Variants in CDCA5 observed in about 807,000 individuals in gnomAD.
The protein encoded by CDCA5 is sororin.
In CDCA5, 14 loss-of-function variants were observed where a neutral mutation model predicts 25.7. That is an observed-to-expected ratio of 0.54 (90% CI 0.36 to 0.85). The LOEUF (loss-of-function observed/expected upper bound fraction) is 0.85. CDCA5 is among the 40% of genes least tolerant of loss of function. The pLI, the probability that CDCA5 is intolerant of heterozygous loss-of-function variation, is 0.01. For missense variants in CDCA5, 307 were observed against 324.5 expected (o/e 0.95, Z 0.41); for synonymous variants, 127 against 128.7 (o/e 0.99, Z 0.09).
chr11:65,061,756 CAG>C (rs1472235484), downstream of CDCA5, among the ~76,000 whole-genome samples: 2 of 116,140 alleles, frequency 1.7e-5, no homozygotes, highest in African/African-American at 3.3e-5. Flanking sequence ...GCCTGGGTGA[CAG>C]AGTGAGACTC....
downstream of CDCA5, among the ~76,000 whole-genome samples, chr11:65,074,738 C>CA (rs141129265): frequency 0.019 from 739 of 37,994 alleles, 29 homozygotes; most frequent in African/African-American, 0.061. Context: ...GACCTTGTCT[C>CA]AAAAAAAAAA....
chr11:65,078,220 G>GT lies in CDCA5; in HGVS notation c.*886dup. 2 of 985,440 alleles carry GT rather than the reference G, an allele frequency of 2.0e-6. No homozygotes were observed. The highest frequency in any genetic ancestry group is 2.4e-6 in the Non-Finnish European group (2 of 829,960). 61.0% of individuals were successfully genotyped at this position (985,440 alleles called of 1,614,324 possible). A position where few individuals can be genotyped will look rare whatever the true frequency, so the allele number is the denominator to read the frequency against. On this transcript the variant is annotated 3_prime_UTR_variant, in exon 6 of 6. Coordinates refer to ENST00000275517, the MANE Select transcript of CDCA5 (RefSeq NM_080668.4). ...AAGTAGACTCGGTGTAACTTATTTT[G>GT]TAAGAAATGGGTATGGGTGACAAGA...
intron 4 of CDCA5, chr11:65,067,000 C>A: frequency 3.4e-6 from 2 of 585,804 alleles, no homozygotes; most frequent in Non-Finnish European, 5.6e-6. Context: ...ACCAGTGTTT[C>A]AGTAAGAGCC....
In CDCA5 at chr11:65,080,183, C is replaced by T. The variant is rs767856872; in HGVS notation, c.244-396G>A. On this transcript the variant is annotated intron_variant, in intron 4 of 5. Transcript: ENST00000275517. ...GGGATTACAGGCGTGAGCCACCATG[C>T]CCGGCCAACACACACTTTTTTTAAG... Among the ~76,000 whole-genome samples the T allele has an allele frequency of 3.9e-5, 6 of 152,250 alleles. No homozygotes were observed. In the South Asian group the frequency reaches 1.2e-3, roughly 32 times the overall value.
At chr11:65,082,891 C>G (rs1433930446) in intron 4 of CDCA5, among the ~76,000 whole-genome samples, 1 of 152,068 alleles carries the variant, frequency 6.6e-6, no homozygotes, top group Non-Finnish European at 1.5e-5. Flanking sequence ...CACAACGTTG[C>G]TATCACTTGT....
chr11:65,063,075 G>T (rs1947200401), downstream of CDCA5, among the ~76,000 whole-genome samples: 1 of 152,332 alleles, frequency 6.6e-6, no homozygotes, highest in Non-Finnish European at 1.5e-5. Flanking sequence ...TGTCCAAGGG[G>T]TGTTCAGAGC....
downstream of CDCA5, among the ~76,000 whole-genome samples, chr11:65,074,643 G>A (rs1040289917): frequency 6.6e-6 from 1 of 151,654 alleles, no homozygotes; most frequent in Non-Finnish European, 1.5e-5. Context: ...GGCAGCTGAG[G>A]TGGAAGGATG....
intron 3 of CDCA5, chr11:65,067,986 T>C: frequency 5.0e-6 from 6 of 1,207,140 alleles, no homozygotes; most frequent in Non-Finnish European, 5.5e-6. Flanking sequence ...TGTGCCTGCA[T>C]GGGCACTCTC....
chr11:65,083,593 G>A (rs761491028), intron 2 of CDCA5, 36 bp downstream of exon 2: 2 of 1,614,162 alleles, frequency 1.2e-6, no homozygotes, highest in Non-Finnish European at 1.7e-6. Context: ...TAGGTGAGGG[G>A]CCACAAGGGG....
rs1290033017 is a variant in CDCA5, at chr11:65,077,671, A to T, written c.*1436T>A. The T allele has an allele frequency of 1.0e-6, 1 of 985,352 alleles. No individual in the cohort carries two copies. Among genetic ancestry groups the T allele is most frequent in the African/African-American group, 1.7e-5 (1 of 57,240 alleles). The allele number at this position is 985,352 out of a possible 1,614,324, so 61.0% of individuals were successfully genotyped here. A position where few individuals can be genotyped will look rare whatever the true frequency, so the allele number is the denominator to read the frequency against. The stretch of plus-strand genomic sequence containing the variant: ...AGAGTTCTTCAGTGCGGTTCAGCTC[A>T]AGGACACCTAGGCTTCCCCAGCAGG... On this transcript the variant is annotated 3_prime_UTR_variant, in exon 6 of 6. Transcript: ENST00000275517.
chr11:65,083,606 G>A (rs1947622742), intron 2 of CDCA5, 23 bp downstream of exon 2: 2 of 1,614,194 alleles, frequency 1.2e-6, no homozygotes, highest in South Asian at 1.1e-5. Flanking sequence ...ACAAGGGGAG[G>A]AAGTGAGAAA....
chr11:65,071,555 C>T (rs541755782), intron 1 of CDCA5, among the ~76,000 whole-genome samples: 23 of 151,330 alleles, frequency 1.5e-4, no homozygotes, highest in Admixed American at 6.6e-4. Context: ...CCTGGTGATC[C>T]GCCTGCCTCG....
downstream of CDCA5, among the ~76,000 whole-genome samples, chr11:65,076,814 C>G (rs1029855828): frequency 4.6e-5 from 7 of 152,162 alleles, no homozygotes; most frequent in African/African-American, 1.7e-4. Context: ...GTGAGCAACT[C>G]GGGCTCCTTC....
chr11:65,066,180 G>C (rs190858042), downstream of CDCA5: 53 of 280,756 alleles, frequency 1.9e-4, no homozygotes, highest in Middle Eastern at 1.5e-3. Context: ...CAGAATGGGT[G>C]AGCTGAGGGA....
At chr11:65,066,667 A>G in exon 6 of CDCA5, 6 of 1,288,988 alleles carry the variant, frequency 4.7e-6, no homozygotes, top group Non-Finnish European at 6.1e-6. Context: ...AGGCTCTTAT[A>G]CAATAAGGTG....
downstream of CDCA5, among the ~76,000 whole-genome samples, chr11:65,075,298 G>A (rs1222152724): frequency 6.6e-6 from 1 of 152,118 alleles, no homozygotes; most frequent in Non-Finnish European, 1.5e-5. Flanking sequence ...TTGGGAGGCT[G>A]AGGCAGGAGA....
At chr11:65,074,350 A>G (rs3850948), downstream of CDCA5, among the ~76,000 whole-genome samples, 136,415 of 152,220 alleles carry the variant, frequency 0.9, 61,482 homozygotes, top group Middle Eastern at 0.97. Context: ...TGGGATTACA[A>G]GTGTGAGCCA....
downstream of CDCA5, among the ~76,000 whole-genome samples, chr11:65,075,420 G>A (rs373412127): frequency 3.3e-5 from 5 of 152,090 alleles, no homozygotes; most frequent in East Asian, 7.7e-4. Context: ...AAAAAATTAA[G>A]GAGGGGAGAA....
At chr11:65,064,686 G>A (rs567412911), downstream of CDCA5, among the ~76,000 whole-genome samples, 1 of 152,042 alleles carries the variant, frequency 6.6e-6, no homozygotes, top group Non-Finnish European at 1.5e-5. Flanking sequence ...TACAGCCATC[G>A]GGTGAGGAGG....
Sources: allele counts gnomAD v4.1 joint callset (sites outside exome capture counted in the v4.1 genomes callset), GRCh38; gene constraint gnomAD v4.1.1; transcripts MANE v1.5; gene names NCBI Gene and HGNC (gene_info 2026-07-23, HGNC 2026-07-21).